The following SPTBN1 variants were observed in gnomAD, a reference collection of about 807,000 sequenced individuals.
SPTBN1 encodes spectrin beta, non-erythrocytic 1.
Under a neutral mutation model 266.4 loss-of-function variants are expected in SPTBN1, and 32 were observed. That is an observed-to-expected ratio of 0.12 (90% CI 0.09 to 0.16). The LOEUF (loss-of-function observed/expected upper bound fraction) is 0.16. Ranked by LOEUF, SPTBN1 falls within the 10% of genes least tolerant of loss-of-function variation. The probability of loss-of-function intolerance (pLI) is 1.00; values close to 1 mark genes in which losing one functional copy is unlikely to be tolerated. For synonymous variants in SPTBN1, 1,336 were observed against 1,162.2 expected, an observed-to-expected ratio of 1.15 and a Z score of -3.04; for missense variants, 2,296 against 3,067.1, an observed-to-expected ratio of 0.75 and a Z score of 5.94.
At chr2:54,640,097 C>G (rs1290309579) in intron 18 of SPTBN1, among the ~76,000 whole-genome samples, 2 of 152,106 alleles carry the variant, frequency 1.3e-5, no homozygotes, top group Non-Finnish European at 2.9e-5. Context: ...GTACTATAAT[C>G]AAAAGGGTGA....
At chr2:54,591,575 A>G (rs1271160955) in intron 2 of SPTBN1, among the ~76,000 whole-genome samples, 2 of 152,190 alleles carry the variant, frequency 1.3e-5, no homozygotes, top group Admixed American at 6.5e-5. Flanking sequence ...TCTTTAGGGG[A>G]ACAATGAATA....
chr2:54,638,206 A>G (rs1679282865), intron 18 of SPTBN1, among the ~76,000 whole-genome samples: 1 of 152,210 alleles, frequency 6.6e-6, no homozygotes, highest in Non-Finnish European at 1.5e-5. Context: ...CAACACAGAT[A>G]TAGAACATTT....
intron 9 of SPTBN1, among the ~76,000 whole-genome samples, chr2:54,622,731 C>A (rs1186556965): frequency 6.6e-6 from 1 of 152,086 alleles, no homozygotes; most frequent in African/African-American, 2.4e-5. Flanking sequence ...AGAAATGGTA[C>A]AAGTCCCCAA....
intron 2 of SPTBN1, among the ~76,000 whole-genome samples, chr2:54,536,940 G>T (rs1467504118): frequency 6.6e-6 from 1 of 152,188 alleles, no homozygotes; most frequent in Non-Finnish European, 1.5e-5. Context: ...GGCTGAGGTG[G>T]GAGGATTGCT....
chr2:54,660,089 T>G, intron 32 of SPTBN1, 90 bp downstream of exon 32: 1 of 1,612,144 alleles, frequency 6.2e-7, no homozygotes, highest in Non-Finnish European at 8.5e-7. Context: ...GACTGTGAAG[T>G]TCACTACCAT....
intron 1 of SPTBN1, among the ~76,000 whole-genome samples, chr2:54,523,651 A>C (rs193114809): frequency 7.9e-5 from 12 of 152,336 alleles, no homozygotes; most frequent in African/African-American, 2.6e-4. Context: ...CTGCATTTCA[A>C]GCACGATAAA....
In SPTBN1 at chr2:54,659,206, G is replaced by A. The variant is rs145108116; in HGVS notation, c.6296G>A (p.Arg2099Gln). Residue 2099 changes from arginine to glutamine, a missense_variant, in exon 31 of 36, where the codon CGG becomes CAG. Transcript: ENST00000356805. Reference protein sequence around the residue: ...RQQEEEERKRRPPSPEPSTKV... With the variant: ...RQQEEEERKRQPPSPEPSTKV... ...CAAGAGGAAGAGGAGAGGAAGAGGC[G>A]GCCGCCTTCTCCCGAGCCGAGCACG... 5.5e-5 allele frequency: 88 copies of A among 1,614,048 alleles called. No homozygotes were observed. The South Asian group carries it at 7.9e-4, about 15-fold the overall frequency.
At chr2:54,528,516 C>A (rs529760086) in intron 2 of SPTBN1, 1 of 152,356 alleles carries the variant, frequency 6.6e-6, no homozygotes, top group Admixed American at 6.5e-5. Context: ...GTGGGAAATG[C>A]CGGCATATAT....
At chr2:54,478,102 T>C (rs986699812) in intron 1 of SPTBN1, among the ~76,000 whole-genome samples, 7 of 152,178 alleles carry the variant, frequency 4.6e-5, no homozygotes, top group Admixed American at 4.6e-4. Flanking sequence ...GGTCTGAGGC[T>C]GACAGGAATC....
At chr2:54,596,310 C>T (rs546965996) in intron 2 of SPTBN1, among the ~76,000 whole-genome samples, 6 of 152,176 alleles carry the variant, frequency 3.9e-5, no homozygotes, top group East Asian at 1.9e-4. Flanking sequence ...CCCAAGGACC[C>T]GAAGCCTGAT....
At chr2:54,570,431 C>T (rs1439234609) in intron 2 of SPTBN1, among the ~76,000 whole-genome samples, 1 of 152,180 alleles carries the variant, frequency 6.6e-6, no homozygotes, top group East Asian at 1.9e-4. Flanking sequence ...CACTGAGGCA[C>T]GCTTTATTCA....
chr2:54,499,871 A>T (rs1277209139), intron 1 of SPTBN1, among the ~76,000 whole-genome samples: 3 of 152,220 alleles, frequency 2.0e-5, no homozygotes, highest in Non-Finnish European at 4.4e-5. Context: ...GTTTTGGCTA[A>T]CTTTTCCAGT....
At chr2:54,477,582 G>T (rs973695290) in intron 1 of SPTBN1, among the ~76,000 whole-genome samples, 2 of 152,138 alleles carry the variant, frequency 1.3e-5, no homozygotes, top group East Asian at 3.9e-4. Context: ...TTACCTCACA[G>T]CCCCACCCTA....
At chr2:54,531,605 T>C (rs1245183983) in intron 2 of SPTBN1, among the ~76,000 whole-genome samples, 1 of 147,180 alleles carries the variant, frequency 6.8e-6, no homozygotes, top group Admixed American at 6.7e-5. Flanking sequence ...GTTTTTGTTT[T>C]TTGTTTTTTT....
At chr2:54,487,354 A>G (rs1668453731) in intron 1 of SPTBN1, among the ~76,000 whole-genome samples, 1 of 152,176 alleles carries the variant, frequency 6.6e-6, no homozygotes, top group South Asian at 2.1e-4. Flanking sequence ...AGGACTAATT[A>G]CTGCGCACCT....
chr2:54,586,580 G>A (rs1675312597), intron 2 of SPTBN1, among the ~76,000 whole-genome samples: 1 of 152,190 alleles, frequency 6.6e-6, no homozygotes, highest in African/African-American at 2.4e-5. Flanking sequence ...TTAGATGGGA[G>A]CTTCCATAAT....
Position 54,558,763 on chromosome 2 carries a change from C to T in SPTBN1, c.148+32197C>T, listed in dbSNP as rs200517541. ...ATTTCCAGGGCGCAGTCCTCCGGGG[C>T]GTTACGCCGGGCATAATGGAATTGC... On this transcript the variant is annotated intron_variant, in intron 2 of 35. Transcript: ENST00000356805. The surrounding 1 kb of genome is among the most constrained non-coding windows in gnomAD (Gnocchi z 4.6). 1,498 of 1,609,462 alleles carry T rather than the reference C, an allele frequency of 9.3e-4. 3 individuals are homozygous for T. The highest frequency in any genetic ancestry group is 1.1e-3 in the South Asian group (104 of 90,616).
intron 1 of SPTBN1, among the ~76,000 whole-genome samples, chr2:54,473,508 T>TG (rs1558756591): frequency 6.9e-6 from 1 of 144,020 alleles, no homozygotes; most frequent in Admixed American, 7.1e-5. Flanking sequence ...GTTTTGTTTT[T>TG]TTTTTAAGCA....
rs1425751152 is a variant in SPTBN1, at chr2:54,533,350, GT to G, written c.148+6785del. On this transcript the variant is annotated intron_variant, in intron 2 of 35. Transcript: ENST00000356805. The surrounding 1 kb of genome is among the most constrained non-coding windows in gnomAD (Gnocchi z 4.2). Reference sequence around the variant, plus strand: ...GTGAAACCCAGGCTAAAGGGGACTAGTGTGTGTGTGTGTGTGTGTGTGTGTG... The same window carrying G: ...GTGAAACCCAGGCTAAAGGGGACTAGGTGTGTGTGTGTGTGTGTGTGTGTG... Among the ~76,000 whole-genome samples, 10 of 9,536 alleles carry G rather than the reference GT, an allele frequency of 1.0e-3. No individual in the cohort carries two copies. The highest frequency in any genetic ancestry group is 9.3e-4 in the Non-Finnish European group (4 of 4,292). The allele number at this position is 9,536 out of a possible 152,430, so 6.3% of individuals were successfully genotyped here.
Sources: gnomAD v4.1 joint callset for allele counts (sites outside exome capture counted in the v4.1 genomes callset) on GRCh38, gnomAD v4.1.1 for gene constraint, Gnocchi (gnomAD v3.1) non-coding constraint, MANE v1.5 for transcripts, NCBI Gene and HGNC (gene_info 2026-07-23, HGNC 2026-07-21) for gene names.